The following FOXP2 variants were observed in gnomAD, a reference collection of about 807,000 sequenced individuals.
FOXP2 encodes the protein forkhead box P2.
In FOXP2, 12 loss-of-function variants were observed where a neutral mutation model predicts 115.8. The ratio of observed to expected loss-of-function variants is 0.10; its 90% CI spans 0.07 to 0.17. The LOEUF (loss-of-function observed/expected upper bound fraction) is 0.17, where lower values mean the gene tolerates loss of function less well. Among genes scored for constraint, FOXP2 ranks in the 10% least tolerant of loss-of-function variants. The probability of loss-of-function intolerance (pLI) is 1.00; values close to 1 mark genes in which losing one functional copy is unlikely to be tolerated. For missense variants in FOXP2, 629 were observed against 843.5 expected, an observed-to-expected ratio of 0.75 and a Z score of 3.15; for synonymous variants, 328 against 297.7, an observed-to-expected ratio of 1.10 and a Z score of -1.05.
chr7:114,279,629 C>A (rs1221786158), intron 1 of FOXP2, among the ~76,000 whole-genome samples: 1 of 152,118 alleles, frequency 6.6e-6, no homozygotes, highest in African/African-American at 2.4e-5. Context: ...CATGTTTACA[C>A]ACTTGATCAC....
intron 1 of FOXP2, among the ~76,000 whole-genome samples, chr7:114,278,466 C>G (rs1364840110): frequency 2.0e-5 from 3 of 151,890 alleles, no homozygotes; most frequent in African/African-American, 7.3e-5. Context: ...GCCTTTCTCC[C>G]CTCTCAGTCT....
chr7:114,513,674 G>GACC (rs940675425), intron 2 of FOXP2, among the ~76,000 whole-genome samples: 1 of 151,986 alleles, frequency 6.6e-6, no homozygotes, highest in African/African-American at 2.4e-5. Context: ...CAATTGGTTT[G>GACC]TTTTCAGTAT....
intron 2 of FOXP2, among the ~76,000 whole-genome samples, chr7:114,322,359 T>A (rs181858465): frequency 2.6e-5 from 4 of 151,426 alleles, no homozygotes; most frequent in Non-Finnish European, 5.9e-5. Flanking sequence ...TTTTAAAAAT[T>A]TTACATTTAA....
intron 1 of FOXP2, among the ~76,000 whole-genome samples, chr7:114,274,811 T>G (rs551016845): frequency 1.1e-4 from 16 of 151,270 alleles, no homozygotes; most frequent in South Asian, 1.0e-3. Flanking sequence ...TTGTTTGTTT[T>G]TTTGTTTTTT....
rs869055954 is a variant in FOXP2 at position 114,642,779 on chromosome 7, AATATATATATATATAT to A, written c.989+175_989+190del. Among the ~76,000 whole-genome samples, 5 of 91,176 alleles carry A rather than the reference AATATATATATATATAT, an allele frequency of 5.5e-5. No homozygotes were observed. The East Asian group carries it at 2.0e-3, about 36-fold the overall frequency. The allele number at this position is 91,176 out of a possible 152,430, so 59.8% of individuals were successfully genotyped here. On this transcript the variant is annotated intron_variant, in intron 7 of 16. Coordinates refer to ENST00000350908, the MANE Select transcript of FOXP2 (RefSeq NM_014491.4). ...AGATTATTTATCTTATTTTATATAT[AATATATATATATATAT>A]ATATATATATATATATATTTTTTTT...
chr7:114,297,481 C>G (rs1485999621), intron 2 of FOXP2: 5 of 350,186 alleles, frequency 1.4e-5, no homozygotes, highest in African/African-American at 1.1e-4. Context: ...GCATTTTTTG[C>G]CTCTAAGTGC....
chr7:114,132,582 T>A (rs7790405), intron 1 of FOXP2, among the ~76,000 whole-genome samples: 52,555 of 56,418 alleles, frequency 0.93, 24,718 homozygotes, highest in East Asian at 0.99. Context: ...TGTGTGTGTG[T>A]GAGAGAGAGA....
chr7:114,119,392 T>C (rs1294748189), intron 1 of FOXP2, among the ~76,000 whole-genome samples: 1 of 152,194 alleles, frequency 6.6e-6, no homozygotes, highest in Non-Finnish European at 1.5e-5. Context: ...TAATTATAAA[T>C]GATTTAGATT....
chr7:114,193,478 A>G (rs1203298660), intron 1 of FOXP2, among the ~76,000 whole-genome samples: 1 of 151,718 alleles, frequency 6.6e-6, no homozygotes, highest in Non-Finnish European at 1.5e-5. Context: ...ATAATATTTT[A>G]TCTGTGTGTG....
chr7:114,642,812 A>ATATATTT (rs1308357594), intron 7 of FOXP2, among the ~76,000 whole-genome samples, 189 bp downstream of exon 7: 89 of 72,378 alleles, frequency 1.2e-3, no homozygotes, highest in African/African-American at 5.3e-3. Flanking sequence ...ATATATATAT[A>ATATATTT]TTTTTTTTTT....
At chr7:114,294,843 A>AATAAATAC (rs1796698966) in intron 2 of FOXP2, among the ~76,000 whole-genome samples, 1 of 131,122 alleles carries the variant, frequency 7.6e-6, no homozygotes, top group Admixed American at 7.4e-5. Flanking sequence ...ACTGCCTCAA[A>AATAAATAC]ATAAATAAAT....
intron 2 of FOXP2, among the ~76,000 whole-genome samples, chr7:114,303,290 A>G (rs1196942082): frequency 6.6e-6 from 1 of 152,226 alleles, no homozygotes; most frequent in Admixed American, 6.5e-5. Flanking sequence ...GAAAAATCCT[A>G]CACATACAAA....
chr7:114,120,462 C>T (rs887457194), intron 1 of FOXP2, among the ~76,000 whole-genome samples: 14 of 151,860 alleles, frequency 9.2e-5, no homozygotes, highest in African/African-American at 2.2e-4. Context: ...GTTTTGAAAA[C>T]GAGAGTATGG....
At chr7:114,543,036 C>A (rs1036172781) in intron 3 of FOXP2, among the ~76,000 whole-genome samples, 1 of 151,888 alleles carries the variant, frequency 6.6e-6, no homozygotes, top group African/African-American at 2.4e-5. Context: ...CCCACCTTGG[C>A]CTCCAAAAGC....
At chr7:114,563,205 T>G (rs1458947039) in intron 3 of FOXP2, among the ~76,000 whole-genome samples, 4 of 152,222 alleles carry the variant, frequency 2.6e-5, no homozygotes, top group Admixed American at 1.3e-4. Context: ...CAATTCAAGA[T>G]GAGATTTGGG....
At chr7:114,384,505 T>C (rs1021838544) in intron 2 of FOXP2, among the ~76,000 whole-genome samples, 3 of 152,142 alleles carry the variant, frequency 2.0e-5, no homozygotes, top group African/African-American at 7.2e-5. Flanking sequence ...TATCAATGAC[T>C]GAATACCCAT....
intron 2 of FOXP2, among the ~76,000 whole-genome samples, chr7:114,326,139 G>T (rs1157953635): frequency 6.6e-6 from 1 of 152,024 alleles, no homozygotes; most frequent in African/African-American, 2.4e-5. Context: ...AGACTATCTG[G>T]CCTGAGTAAC....
chr7:114,656,426 T>A, intron 10 of FOXP2: 1 of 426,984 alleles, frequency 2.3e-6, no homozygotes, highest in Non-Finnish European at 4.7e-6. Context: ...TATGTTCTGA[T>A]GTTGATATTT....
Position 114,094,285 on chromosome 7 carries a change from A to C in FOXP2, c.-247+6447A>C, listed in dbSNP as rs567612618. 2.6e-5 allele frequency among the ~76,000 whole-genome samples: 4 copies of C among 152,362 alleles called. No homozygotes were observed. The South Asian group carries it at 8.3e-4, about 32-fold the overall frequency. The stretch of plus-strand genomic sequence containing the variant: ...TCAAATTGCTTTTGAATACGAAGTC[A>C]TGAATAAGTGATACAGCCCTCCATA... On this transcript the variant is annotated intron_variant, in intron 1 of 19. Coordinates refer to the FOXP2 transcript ENST00000635638.
Sources: gnomAD v4.1 joint callset for allele counts (sites outside exome capture counted in the v4.1 genomes callset) on GRCh38, gnomAD v4.1.1 for gene constraint, MANE v1.5 for transcripts, NCBI Gene and HGNC (gene_info 2026-07-23, HGNC 2026-07-21) for gene names.